DPF3: variants seen among roughly 807,000 people sequenced by gnomAD.
DPF3 encodes the protein zinc finger protein DPF3.
A neutral mutation model predicts 56.8 loss-of-function variants in DPF3; 18 were observed. The observed-to-expected ratio is 0.32, with a 90% CI of 0.22 to 0.47. DPF3 has a LOEUF of 0.47. DPF3 is among the 20% of genes least tolerant of loss of function. The pLI, the probability that DPF3 is intolerant of heterozygous loss-of-function variation, is 1.00. For missense variants in DPF3, 403 were observed against 488.8 expected, an observed-to-expected ratio of 0.82 and a Z score of 1.65; for synonymous variants, 188 against 180.2, an observed-to-expected ratio of 1.04 and a Z score of -0.35.
At chr14:72,766,918 A>G (rs1240545835) in intron 2 of DPF3, among the ~76,000 whole-genome samples, 5 of 152,218 alleles carry the variant, frequency 3.3e-5, no homozygotes, top group South Asian at 2.1e-4. Context: ...AGGCATCCCA[A>G]TAGCTTTGCT....
chr14:72,771,379 T>A (rs961625823), intron 2 of DPF3, among the ~76,000 whole-genome samples: 14 of 152,128 alleles, frequency 9.2e-5, no homozygotes, highest in Non-Finnish European at 1.5e-4. Flanking sequence ...CACCCAGATC[T>A]AATGGCAGAT....
Position 72,651,179 on chromosome 14 carries a change from CCT to C in DPF3, c.872-21445_872-21444del, listed in dbSNP as rs541118847. ...GTCTTTCTGCAGCATGGCCCTGGCC[CCT>C]GAGGGAGGTGGCCCAGGATGGGGGC... is the stretch of plus-strand genomic sequence containing the variant. On this transcript the variant is annotated intron_variant, in intron 8 of 10. Transcript: ENST00000556509. Among the ~76,000 whole-genome samples, 571 of 152,320 alleles carry C rather than the reference CCT, an allele frequency of 3.7e-3. 3 individuals are homozygous for C. The highest frequency in any genetic ancestry group is 6.8e-3 in the Middle Eastern group (2 of 294).
chr14:72,702,089 C>A (rs1005006124), intron 6 of DPF3, among the ~76,000 whole-genome samples: 2 of 152,138 alleles, frequency 1.3e-5, no homozygotes, highest in South Asian at 4.1e-4. Context: ...GATGGCACAG[C>A]CAGAGTTTGA....
chr14:72,698,758 C>T (rs761468570), intron 6 of DPF3, among the ~76,000 whole-genome samples: 2 of 152,148 alleles, frequency 1.3e-5, no homozygotes, highest in African/African-American at 4.8e-5. Flanking sequence ...CATGCATTTT[C>T]GACTTAGGAT....
intron 7 of DPF3, among the ~76,000 whole-genome samples, chr14:72,691,543 G>A (rs971652214): frequency 2.6e-5 from 4 of 152,024 alleles, no homozygotes; most frequent in South Asian, 2.1e-4. Flanking sequence ...CCTGGCCAAC[G>A]TGGTGAAACC....
Position 72,611,147 on chromosome 14 carries a change from A to G in DPF3, c.*8150T>C, listed in dbSNP as rs1408978627. On this transcript the variant is annotated 3_prime_UTR_variant, in exon 11 of 11. Transcript: ENST00000556509. ...ACAGAGAAGCTATAGCTCTGAGCCA[A>G]CATCCACACATGGACAGATACACAC... 6.6e-6 allele frequency among the ~76,000 whole-genome samples: 1 copy of G among 152,172 alleles called. No homozygotes were observed. The highest frequency in any genetic ancestry group is 6.5e-5 in the Admixed American group (1 of 15,290).
intron 7 of DPF3, among the ~76,000 whole-genome samples, chr14:72,684,575 TGAGA>T (rs1235012900): frequency 1.3e-5 from 2 of 151,266 alleles, no homozygotes; most frequent in African/African-American, 4.9e-5. Flanking sequence ...AGACACAGAA[TGAGA>T]GAGAAAGACT....
intron 7 of DPF3, among the ~76,000 whole-genome samples, chr14:72,678,915 A>C (rs1887033170): frequency 6.6e-6 from 1 of 152,244 alleles, no homozygotes; most frequent in Admixed American, 6.5e-5. Flanking sequence ...AATGGAAATC[A>C]GGAACAAAGT....
At chr14:72,866,930 G>A (rs1437914032) in intron 1 of DPF3, among the ~76,000 whole-genome samples, 1 of 149,678 alleles carries the variant, frequency 6.7e-6, no homozygotes, top group Admixed American at 6.6e-5. Flanking sequence ...TAGCCCACTG[G>A]TACTCATTTT....
Position 72,626,225 on chromosome 14 carries a change from A to G in DPF3, c.984+3399T>C, listed in dbSNP as rs947368980. ...GTTGTAAGAGTCAAAGCTATACAAG[A>G]AAGTATTCTCAAAGAAGTGTTGTTT... On this transcript the variant is annotated intron_variant, in intron 9 of 10. Coordinates refer to ENST00000556509, the MANE Select transcript of DPF3 (RefSeq NM_001280542.3). Among the ~76,000 whole-genome samples the G allele has an allele frequency of 2.6e-4, 40 of 152,150 alleles. 1 individual carries two copies. Among genetic ancestry groups the G allele is most frequent in the African/African-American group, 9.4e-4 (39 of 41,454 alleles).
chr14:72,798,178 C>T (rs760848245), intron 1 of DPF3, among the ~76,000 whole-genome samples: 7 of 138,820 alleles, frequency 5.0e-5, no homozygotes, highest in Non-Finnish European at 9.1e-5. Context: ...TGATTGAACC[C>T]GGGAGGTGGA....
intron 3 of DPF3, among the ~76,000 whole-genome samples, chr14:72,749,614 C>T (rs1420747232): frequency 1.3e-5 from 2 of 152,198 alleles, no homozygotes; most frequent in Non-Finnish European, 2.9e-5. Flanking sequence ...CATCTTGTAG[C>T]TCCCCTAATT....
chr14:72,721,651 G>A (rs1352986263), intron 5 of DPF3, among the ~76,000 whole-genome samples: 1 of 152,074 alleles, frequency 6.6e-6, no homozygotes, highest in Non-Finnish European at 1.5e-5. Flanking sequence ...AGCAGAACTG[G>A]ACAGGGTATG....
At chr14:72,670,323 AG>A (rs1886613370) in intron 8 of DPF3, 2 of 986,156 alleles carry the variant, frequency 2.0e-6, no homozygotes, top group Non-Finnish European at 1.2e-6. Flanking sequence ...GAGGAAAGTG[AG>A]GAAAAACCAG....
intron 3 of DPF3, among the ~76,000 whole-genome samples, chr14:72,746,661 G>A (rs1004824880): frequency 2.6e-5 from 4 of 152,218 alleles, no homozygotes; most frequent in Admixed American, 2.0e-4. Context: ...CTTTTCCCCC[G>A]AGGGCGGATA....
chr14:72,645,948 A>T (rs1023455159), intron 8 of DPF3, among the ~76,000 whole-genome samples: 1 of 152,186 alleles, frequency 6.6e-6, no homozygotes, highest in African/African-American at 2.4e-5. Flanking sequence ...CACTTGCATG[A>T]GCATCCCCTG....
chr14:72,734,433 A>G (rs1324372934), intron 3 of DPF3, among the ~76,000 whole-genome samples: 1 of 152,138 alleles, frequency 6.6e-6, no homozygotes, highest in Non-Finnish European at 1.5e-5. Context: ...CAAGTCAGAA[A>G]AGTCTTCCAA....
At chr14:72,697,188 A>T (rs1057368491) in intron 6 of DPF3, among the ~76,000 whole-genome samples, 3 of 152,228 alleles carry the variant, frequency 2.0e-5, no homozygotes, top group African/African-American at 7.2e-5. Flanking sequence ...TCATTCTTCT[A>T]TCACCAGGTC....
chr14:72,673,372 G>C (rs1473155078), intron 8 of DPF3, among the ~76,000 whole-genome samples: 1 of 152,208 alleles, frequency 6.6e-6, no homozygotes, highest in Non-Finnish European at 1.5e-5. Flanking sequence ...ATCAGGGGCT[G>C]ATGAGACTAA....
Sources: allele counts gnomAD v4.1 joint callset (sites outside exome capture counted in the v4.1 genomes callset), GRCh38; gene constraint gnomAD v4.1.1; transcripts MANE v1.5; gene names NCBI Gene and HGNC (gene_info 2026-07-23, HGNC 2026-07-21).